Variants in KLHL24 observed in about 807,000 individuals in gnomAD.
The protein encoded by KLHL24 is kelch like family member 24.
Under a neutral mutation model 53.4 loss-of-function variants are expected in KLHL24, and 29 were observed. The ratio of observed to expected loss-of-function variants is 0.54; its 90% CI spans 0.40 to 0.74. The LOEUF (loss-of-function observed/expected upper bound fraction) is 0.74. KLHL24 is among the 30% of genes least tolerant of loss of function. KLHL24 has a pLI of 0.00. For missense variants in KLHL24, 504 were observed against 744.0 expected (o/e 0.68, Z 3.75); for synonymous variants, 222 against 253.7 (o/e 0.88, Z 1.19).
intron 3 of KLHL24, among the ~76,000 whole-genome samples, chr3:183,659,104 A>G (rs145939460): frequency 1.8e-4 from 28 of 151,622 alleles, no homozygotes; most frequent in Admixed American, 1.6e-3. Flanking sequence ...ATGATTGAGC[A>G]TCTTTTCCTG....
intron 5 of KLHL24, among the ~76,000 whole-genome samples, chr3:183,670,620 A>C (rs1278286688): frequency 6.6e-6 from 1 of 152,190 alleles, no homozygotes; most frequent in Non-Finnish European, 1.5e-5. Context: ...CAAATATTTC[A>C]TTACCCATAA....
At chr3:183,656,620 T>G (rs1193799127) in intron 3 of KLHL24, among the ~76,000 whole-genome samples, 1 of 152,170 alleles carries the variant, frequency 6.6e-6, no homozygotes, top group African/African-American at 2.4e-5. Flanking sequence ...AGTGCTAGGC[T>G]TCAACCCTTT....
intron 1 of KLHL24, among the ~76,000 whole-genome samples, chr3:183,642,156 A>G (rs1419925257): frequency 1.3e-5 from 2 of 152,188 alleles, no homozygotes; most frequent in East Asian, 3.8e-4. Context: ...ACAGACATAA[A>G]CTAGGTTCTT....
chr3:183,668,468 A>T (rs1281974632), intron 5 of KLHL24, among the ~76,000 whole-genome samples: 1 of 152,236 alleles, frequency 6.6e-6, no homozygotes, highest in Non-Finnish European at 1.5e-5. Flanking sequence ...AAATTACAAT[A>T]TAGATTTAAT....
chr3:183,640,984 G>A (rs987105426), intron 1 of KLHL24, among the ~76,000 whole-genome samples: 3 of 151,998 alleles, frequency 2.0e-5, no homozygotes, highest in Non-Finnish European at 4.4e-5. Context: ...TTGAAGGCTG[G>A]GCTTTAAACA....
intron 6 of KLHL24, 21 bp downstream of exon 6, chr3:183,671,243 G>T (rs962363913): frequency 1.3e-6 from 2 of 1,588,384 alleles, no homozygotes; most frequent in African/African-American, 1.3e-5. Flanking sequence ...CACTTTTAAA[G>T]AAATTACCAA....
intron 7 of KLHL24, among the ~76,000 whole-genome samples, chr3:183,678,419 T>G (rs1350010548): frequency 6.6e-6 from 1 of 152,246 alleles, no homozygotes; most frequent in Non-Finnish European, 1.5e-5. Context: ...CCAGGCTCTT[T>G]AAAGATGCTT....
rs550377925 is a variant in KLHL24, at chr3:183,654,025, C to G, written c.920+2749C>G. Among the ~76,000 whole-genome samples the G allele has an allele frequency of 2.3e-4, 35 of 152,338 alleles. 1 individual carries two copies. The South Asian group carries it at 7.0e-3, about 31-fold the overall frequency. On this transcript the variant is annotated intron_variant, in intron 3 of 7. Coordinates refer to ENST00000242810, the MANE Select transcript of KLHL24 (RefSeq NM_017644.3). ...TGAAAGAGGAGTGATGTCTCCACTTCTTCGACAGCAGTTCATTCCTCTGAC... is the reference window on the plus strand; with the variant it reads ...TGAAAGAGGAGTGATGTCTCCACTTGTTCGACAGCAGTTCATTCCTCTGAC...
intron 5 of KLHL24, among the ~76,000 whole-genome samples, chr3:183,667,137 A>C (rs2108858123): frequency 6.6e-6 from 1 of 152,238 alleles, no homozygotes; most frequent in Admixed American, 6.5e-5. Flanking sequence ...CTTCTATACT[A>C]GGCCAGTCGT....
chr3:183,674,775 C>T lies in KLHL24; in HGVS notation c.1602+2291C>T, dbSNP rs144347312. ...CTTCTATTGCCTGACCTTCATTTGA[C>T]CTTTCAGCTTCACATTCTATAACTT... On this transcript the variant is annotated intron_variant, in intron 7 of 7. Transcript: ENST00000242810. 7.0e-3 allele frequency among the ~76,000 whole-genome samples: 1,059 copies of T among 152,290 alleles called. 9 individuals carry two copies. Among genetic ancestry groups the T allele is most frequent in the Non-Finnish European group, 0.012 (828 of 68,020 alleles).
intron 6 of KLHL24, among the ~76,000 whole-genome samples, chr3:183,671,858 C>T (rs1169958419): frequency 6.6e-6 from 1 of 152,110 alleles, no homozygotes; most frequent in Non-Finnish European, 1.5e-5. Context: ...TCAAATGTTA[C>T]TTATTTAGAA....
intron 2 of KLHL24, among the ~76,000 whole-genome samples, chr3:183,649,003 CAAA>C (rs3834187): frequency 6.9e-6 from 1 of 145,786 alleles, no homozygotes; most frequent in Non-Finnish European, 1.5e-5. Flanking sequence ...ACCTTGTTTC[CAAA>C]AAAAAAAAGA....
chr3:183,651,298 A>G (rs369260834), intron 3 of KLHL24, 22 bp downstream of exon 3: 10 of 1,578,520 alleles, frequency 6.3e-6, no homozygotes, highest in Middle Eastern at 1.7e-4. Flanking sequence ...GTTTTCAAAT[A>G]TAGTTAACAA....
Sources: allele counts gnomAD v4.1 joint callset (sites outside exome capture counted in the v4.1 genomes callset), GRCh38; gene constraint gnomAD v4.1.1; transcripts MANE v1.5; gene names NCBI Gene and HGNC (gene_info 2026-07-23, HGNC 2026-07-21).